Variants in PLXNB2 observed in about 807,000 individuals in gnomAD.
The protein encoded by PLXNB2 is plexin-B2.
In PLXNB2, 85 loss-of-function variants were observed where a neutral mutation model predicts 202.6. The ratio of observed to expected loss-of-function variants is 0.42; its 90% CI spans 0.35 to 0.50. The LOEUF (loss-of-function observed/expected upper bound fraction) is 0.50. PLXNB2 is among the 20% of genes least tolerant of loss of function. The pLI is 0.02. For synonymous variants in PLXNB2, 1,239 were observed against 1,137.6 expected, an observed-to-expected ratio of 1.09 and a Z score of -1.79; for missense variants, 2,063 against 2,586.2, an observed-to-expected ratio of 0.80 and a Z score of 4.39.
At chr22:50,306,030 A>G (rs2147738969) in intron 1 of PLXNB2, among the ~76,000 whole-genome samples, 1 of 152,224 alleles carries the variant, frequency 6.6e-6, no homozygotes, top group Admixed American at 6.5e-5. Flanking sequence ...GGGGCCCTCA[A>G]CCCACGTCCC....
chr22:50,280,714 G>GGCCGCCCCC, intron 24 of PLXNB2, 30 bp downstream of exon 24: 3 of 1,528,948 alleles, frequency 2.0e-6, no homozygotes, highest in East Asian at 2.4e-5. Context: ...CCACCTGTGT[G>GGCCGCCCCC]CCCTCCCGCC....
At position 50,280,956 on chromosome 22, in the gene PLXNB2, C is replaced by T; in HGVS notation, c.3781G>A (p.Glu1261Lys). ...TCGTGCACGTCGTTGGTCTGGTCCT[C>T]CATCTCGATCATCAGGTCTGGGGGG... Reference protein sequence around the residue: ...KEFTDLMIEMEDQTNDVHEAG... With the variant: ...KEFTDLMIEMKDQTNDVHEAG... The change falls in exon 24 of 37, where the codon GAG (glutamate) becomes AAG (lysine). Residue 1261 changes from glutamate (E) to lysine (K), a missense_variant. Physicochemically the swap from Glu to Lys is moderately conservative, Grantham distance 56 (BLOSUM62 1). Around this residue, in one of 2 missense-constraint regions of PLXNB2, gnomAD observed 760 missense variants for 1,109.4 expected, o/e 0.69. Transcript: ENST00000359337. 6.2e-7 allele frequency: 1 copy of T among 1,613,280 alleles called. No individual in the cohort carries two copies. Among genetic ancestry groups the T allele is most frequent in the South Asian group, 1.1e-5 (1 of 91,086 alleles).
Position 50,279,782 on chromosome 22 carries a change from G to T in PLXNB2, c.4243-6C>A. 1.2e-6 allele frequency: 2 copies of T among 1,613,772 alleles called. No homozygotes were observed. The highest frequency in any genetic ancestry group is 1.7e-6 in the Non-Finnish European group (2 of 1,179,922). On this transcript the variant is annotated splice_polypyrimidine_tract_variant and splice_region_variant and intron_variant, in intron 26 of 36. Coordinates refer to ENST00000359337, the MANE Select transcript of PLXNB2 (RefSeq NM_012401.4). ...AGGGGCTCCCCGGCACTGTCCTGGA[G>T]TAACACGGAGGGGAGGCTGGGAGGT...
Position 50,288,920 on chromosome 22 carries a change from C to A in PLXNB2, c.1251+40G>T. 1 of 1,608,822 alleles carries A rather than the reference C, an allele frequency of 6.2e-7. No individual in the cohort carries two copies. Among genetic ancestry groups the A allele is most frequent in the Non-Finnish European group, 8.5e-7 (1 of 1,176,630 alleles). The stretch of plus-strand genomic sequence containing the variant: ...TGAGGGTACGGGCCTTGTGCACAGA[C>A]GGGCCCTCCAGAGCCTCCCCGCCCC... On this transcript the variant is annotated intron_variant, in intron 4 of 36. Transcript: ENST00000359337. The surrounding 1 kb of genome is among the most constrained non-coding windows in gnomAD (Gnocchi z 5.0).
At chr22:50,300,883 C>G (rs1465525387) in intron 1 of PLXNB2, among the ~76,000 whole-genome samples, 1 of 152,190 alleles carries the variant, frequency 6.6e-6, no homozygotes, top group Non-Finnish European at 1.5e-5. Flanking sequence ...CTGGTCCACA[C>G]CTCCTGACAC....
chr22:50,293,206 GCCAGGGT>G (rs1232451085), intron 2 of PLXNB2, among the ~76,000 whole-genome samples: 1 of 152,220 alleles, frequency 6.6e-6, no homozygotes, highest in Non-Finnish European at 1.5e-5. Context: ...GCCCAGCTCA[GCCAGGGT>G]CCCCCGCTGT....
intron 33 of PLXNB2, 63 bp from the exon 34 acceptor site, chr22:50,276,969 C>T: frequency 8.1e-7 from 1 of 1,242,206 alleles, no homozygotes; most frequent in Non-Finnish European, 1.2e-6. Context: ...GCTCAGAGTA[C>T]CCCTGGGTAG....
chr22:50,283,327 G>A lies in PLXNB2; in HGVS notation c.2679+10C>T, dbSNP rs28497828. ...CCGGGTTCGGCAGGTCCCCGAGGCC[G>A]GGTGCTTACTTGGAAGGTGAACTGG... On this transcript the variant is annotated intron_variant, in intron 16 of 36. Transcript: ENST00000359337. 0.035 allele frequency: 55,925 copies of A among 1,611,954 alleles called. 2,897 individuals are homozygous for A. The highest frequency in any genetic ancestry group is 0.24 in the African/African-American group (17,797 of 74,914).
Position 50,281,734 on chromosome 22 carries a change from A to T in PLXNB2, c.3354T>A (p.Asn1118Lys). 1 of 1,560,326 alleles carries T rather than the reference A, an allele frequency of 6.4e-7. No individual in the cohort carries two copies. Among genetic ancestry groups the T allele is most frequent in the Non-Finnish European group, 8.7e-7 (1 of 1,152,040 alleles). Reference sequence around the variant, plus strand: ...CCTGCAGCGTCATCGCCTTGTTCAGATTGGTGCCCTGGGGAGGCGGCAGTG... The same window carrying T: ...CCTGCAGCGTCATCGCCTTGTTCAGTTTGGTGCCCTGGGGAGGCGGCAGTG... ...VNKLIHARGT[N>K]LNKAMTLQEA... The change falls in exon 21 of 37, where the codon AAT becomes AAA. Residue 1118 changes from asparagine to lysine, a missense_variant. Asn to Lys is a moderately conservative substitution (Grantham distance 94). This residue lies in a region of PLXNB2 where 760 missense variants were observed against 1,109.4 expected (regional missense o/e 0.69). Coordinates refer to ENST00000359337, the MANE Select transcript of PLXNB2 (RefSeq NM_012401.4).
intron 30 of PLXNB2, 49 bp downstream of exon 30, chr22:50,278,386 C>A (rs995797194): frequency 1.3e-6 from 2 of 1,558,818 alleles, no homozygotes; most frequent in South Asian, 1.2e-5. Context: ...ACATGGTCCA[C>A]GCTGACCACC....
In PLXNB2 at chr22:50,289,217, C is replaced by T. The variant is rs945610943; in HGVS notation, c.1069-75G>A. On this transcript the variant is annotated intron_variant, in intron 3 of 36. Coordinates refer to ENST00000359337, the MANE Select transcript of PLXNB2 (RefSeq NM_012401.4). The surrounding 1 kb of genome is among the most constrained non-coding windows in gnomAD (Gnocchi z 8.0). ...CCCTCTCCACTCGCGCTCCAAGACT[C>T]GGGACAGGCCCTTCCCTTCCCTCCG... 7.6e-6 allele frequency: 10 copies of T among 1,311,578 alleles called. No individual in the cohort carries two copies. In the Admixed American group the frequency reaches 7.8e-5, roughly 10 times the overall value. 81.2% of individuals were successfully genotyped at this position (1,311,578 alleles called of 1,614,324 possible).
chr22:50,307,571 G>A lies in PLXNB2; in HGVS notation c.-92C>T, dbSNP rs1254802767. The A allele has an allele frequency of 8.1e-6, 8 of 981,812 alleles. No individual in the cohort carries two copies. The highest frequency in any genetic ancestry group is 1.8e-5 in the African/African-American group (1 of 56,474). 60.8% of individuals were successfully genotyped at this position (981,812 alleles called of 1,614,324 possible). A position where few individuals can be genotyped will look rare whatever the true frequency, so the allele number is the denominator to read the frequency against. On this transcript the variant is annotated 5_prime_UTR_variant, in exon 1 of 37. Coordinates refer to ENST00000359337, the MANE Select transcript of PLXNB2 (RefSeq NM_012401.4). The stretch of plus-strand genomic sequence containing the variant: ...TCGGTACCTGCACGTCCGCCGCCAA[G>A]GCTCGATGGCGCCCGGGCCGCGCTC...
intron 8 of PLXNB2, 46 bp downstream of exon 8, chr22:50,287,065 C>G: frequency 6.9e-7 from 1 of 1,459,398 alleles, no homozygotes; most frequent in Non-Finnish European, 9.1e-7. Flanking sequence ...CACAGGGCCC[C>G]GTGCGACCGA....
chr22:50,286,987 G>C, intron 8 of PLXNB2, 124 bp downstream of exon 8: 1 of 994,008 alleles, frequency 1.0e-6, no homozygotes, highest in Non-Finnish European at 1.4e-6. Flanking sequence ...CTGGGCCCCC[G>C]GAGCAGCCGC....
In PLXNB2 at chr22:50,283,688, C is replaced by T; in HGVS notation, c.2484G>A (p.Leu828=). The change falls in exon 15 of 37, where the codon TTG becomes TTA. Residue 828 remains leucine (L), a synonymous_variant. Transcript: ENST00000359337. Reference sequence around the variant, plus strand: ...TCTGGATGTCCCCTGCTTGGACGCCCAAATTGGACCCCAGGATGGTGATGC... The same window carrying T: ...TCTGGATGTCCCCTGCTTGGACGCCTAAATTGGACCCCAGGATGGTGATGC... ...GIRITILGSN[L]GVQAGDIQRI... is the part of the protein sequence containing the mutation. 1 of 1,613,172 alleles carries T rather than the reference C, an allele frequency of 6.2e-7. No individual in the cohort carries two copies. Among genetic ancestry groups the T allele is most frequent in the Non-Finnish European group, 8.5e-7 (1 of 1,179,960 alleles).
In PLXNB2 at chr22:50,275,323, C is replaced by G. The variant is rs1347771681; in HGVS notation, c.*381G>C. 1 of 449,086 alleles carries G rather than the reference C, an allele frequency of 2.2e-6. No individual in the cohort carries two copies. Among genetic ancestry groups the G allele is most frequent in the African/African-American group, 2.0e-5 (1 of 49,496 alleles). The allele number at this position is 449,086 out of a possible 1,614,324, so 27.8% of individuals were successfully genotyped here. A position where few individuals can be genotyped will look rare whatever the true frequency, so the allele number is the denominator to read the frequency against. ...GGAACTTGCCCTGGGGGCCACAGGC[C>G]CTCAGATCCCCCAGGGGCCCAACCT... On this transcript the variant is annotated 3_prime_UTR_variant, in exon 37 of 37. Transcript: ENST00000359337.
In PLXNB2 at chr22:50,285,871, T is replaced by C. The variant is rs1196476125; in HGVS notation, c.2017A>G (p.Ser673Gly). ...TGGTTCATGGGGATCACCAGGGGGC[T>C]GGGTCCCAGGAACTGGGGACAGCTG... is the stretch of plus-strand genomic sequence containing the variant. The part of the protein sequence containing the change: ...EDSCPQFLGP[S>G]PLVIPMNHET... Residue 673 changes from serine to glycine, a missense_variant, in exon 11 of 37, where the codon AGC (serine) becomes GGC (glycine). Coordinates refer to ENST00000359337, the MANE Select transcript of PLXNB2 (RefSeq NM_012401.4). 6.2e-6 allele frequency: 10 copies of C among 1,612,674 alleles called. No homozygotes were observed. The highest frequency in any genetic ancestry group is 1.1e-5 in the South Asian group (1 of 91,078).
intron 1 of PLXNB2, 67 bp downstream of exon 1, chr22:50,307,460 GCGCGGCAGGCCCGGGCGGAGCGGCGC>G: frequency 1.4e-6 from 1 of 709,578 alleles, no homozygotes; most frequent in East Asian, 1.4e-4. Context: ...CCGGGCCCCA[GCGCGGCAGGCCCGGGCGGAGCGGCGC>G]TGACGGCGAA....
In PLXNB2 at chr22:50,284,730, C is replaced by A. The variant is rs1381962335; in HGVS notation, c.2089-65G>T. On this transcript the variant is annotated intron_variant, in intron 11 of 36. Transcript: ENST00000359337. This position sits in a 1 kb window ranked among gnomAD's most constrained non-coding sequence, Gnocchi z 8.0. The stretch of plus-strand genomic sequence containing the variant: ...GGCACCCTGGCCCTCCTCCCAGAAC[C>A]CCTGCAGCCCCTCCTCTGTGCCTAC... The A allele has an allele frequency of 8.6e-7, 1 of 1,164,938 alleles. No individual in the cohort carries two copies. Among genetic ancestry groups the A allele is most frequent in the African/African-American group, 1.5e-5 (1 of 66,282 alleles). The allele number at this position is 1,164,938 out of a possible 1,614,324, so 72.2% of individuals were successfully genotyped here. A position where few individuals can be genotyped will look rare whatever the true frequency, so the allele number is the denominator to read the frequency against.
Sources: allele counts gnomAD v4.1 joint callset (sites outside exome capture counted in the v4.1 genomes callset), GRCh38; gene constraint gnomAD v4.1.1; regional missense constraint gnomAD v4.1.1; non-coding constraint Gnocchi (gnomAD v3.1); transcripts MANE v1.5; gene names NCBI Gene and HGNC (gene_info 2026-07-23, HGNC 2026-07-21).